Variants in KLHL4 observed in about 807,000 individuals in gnomAD.
The protein encoded by KLHL4 is kelch-like protein 4.
A neutral mutation model predicts 45.8 loss-of-function variants in KLHL4; 17 were observed. The observed-to-expected ratio is 0.37, with a 90% CI of 0.25 to 0.56. The LOEUF (loss-of-function observed/expected upper bound fraction) is 0.56. Ranked by LOEUF, KLHL4 falls within the 20% of genes least tolerant of loss-of-function variation. The pLI, the probability that KLHL4 is intolerant of heterozygous loss-of-function variation, is 0.79. For synonymous variants in KLHL4, 224 were observed against 189.9 expected, an observed-to-expected ratio of 1.18 and a Z score of -1.47; for missense variants, 544 against 544.9, an observed-to-expected ratio of 1.00 and a Z score of 0.02.
Position 87,667,501 on chromosome X carries a change from C to G in KLHL4, c.*967C>G. ...CACCAAAATATTCAATAAGCCTGGT[C>G]AATTCTATAGTTATCTTTTTTGTAC... On this transcript the variant is annotated 3_prime_UTR_variant, in exon 11 of 11. Coordinates refer to ENST00000373119, the MANE Select transcript of KLHL4 (RefSeq NM_019117.5). 1 of 729,224 alleles carries G rather than the reference C, an allele frequency of 1.4e-6. No homozygotes were observed. Among genetic ancestry groups the G allele is most frequent in the Non-Finnish European group, 1.6e-6 (1 of 617,771 alleles). The allele number at this position is 729,224 out of a possible 1,213,427, so 60.1% of individuals were successfully genotyped here. A position where few individuals can be genotyped will look rare whatever the true frequency, so the allele number is the denominator to read the frequency against.
intron 1 of KLHL4, among the ~76,000 whole-genome samples, chrX:87,562,431 TA>T (rs1249426529): frequency 9.1e-6 from 1 of 110,130 alleles, no homozygotes. Flanking sequence ...ACCTGCTGAC[TA>T]AAAAGCCCTT....
chrX:87,667,515 T>C lies in KLHL4; in HGVS notation c.*981T>C, dbSNP rs1924411283. The C allele has an allele frequency of 5.5e-6, 4 of 729,862 alleles. No individual in the cohort carries two copies. Among genetic ancestry groups the C allele is most frequent in the Non-Finnish European group, 4.8e-6 (3 of 618,872 alleles). 60.1% of individuals were successfully genotyped at this position (729,862 alleles called of 1,213,427 possible). A position where few individuals can be genotyped will look rare whatever the true frequency, so the allele number is the denominator to read the frequency against. On this transcript the variant is annotated 3_prime_UTR_variant, in exon 11 of 11. Transcript: ENST00000373119. ...ATAAGCCTGGTCAATTCTATAGTTA[T>C]CTTTTTTGTACCAACACATGCTTTT... is the stretch of plus-strand genomic sequence containing the variant.
At chrX:87,620,609 T>C (rs1181689384) in intron 4 of KLHL4, among the ~76,000 whole-genome samples, 1 of 112,285 alleles carries the variant, frequency 8.9e-6, no homozygotes, top group Non-Finnish European at 1.9e-5. Flanking sequence ...ATATCGGTAC[T>C]ATATAACCTT....
chrX:87,657,705 C>T (rs1435195597), intron 9 of KLHL4, among the ~76,000 whole-genome samples: 4 of 111,393 alleles, frequency 3.6e-5, no homozygotes, highest in African/African-American at 1.3e-4. Context: ...TGTGCTTGAT[C>T]TTTACTAACA....
At chrX:87,607,354 C>G (rs1051602510) in intron 1 of KLHL4, among the ~76,000 whole-genome samples, 1 of 111,132 alleles carries the variant, frequency 9.0e-6, no homozygotes, top group African/African-American at 3.3e-5. Context: ...AGTCTCTGGT[C>G]ACTTCCTCCT....
chrX:87,585,122 A>G (rs1175377482), intron 1 of KLHL4, among the ~76,000 whole-genome samples: 1 of 111,698 alleles, frequency 9.0e-6, no homozygotes, highest in Non-Finnish European at 1.9e-5. Context: ...TTTACTCTAG[A>G]ATAATATATC....
intron 1 of KLHL4, among the ~76,000 whole-genome samples, chrX:87,576,820 A>G (rs1210232867): frequency 1.8e-5 from 2 of 111,717 alleles, no homozygotes; most frequent in Non-Finnish European, 3.8e-5. Flanking sequence ...CTACATACAC[A>G]TAGATATGGA....
At chrX:87,559,265 G>C (rs368453992) in intron 1 of KLHL4, among the ~76,000 whole-genome samples, 1 of 111,951 alleles carries the variant, frequency 8.9e-6, no homozygotes, top group South Asian at 3.7e-4. Context: ...CCTACACAAT[G>C]GATGAGTGAC....
intron 3 of KLHL4, among the ~76,000 whole-genome samples, chrX:87,617,605 G>T (rs754473688): frequency 8.9e-6 from 1 of 111,819 alleles, no homozygotes. Context: ...ATATTCTCAT[G>T]TACATATACA....
At chrX:87,654,078 G>A (rs1923907420) in intron 9 of KLHL4, among the ~76,000 whole-genome samples, 1 of 110,863 alleles carries the variant, frequency 9.0e-6, no homozygotes, top group African/African-American at 3.3e-5. Flanking sequence ...AACCACCGTG[G>A]CACAACTTTA....
intron 1 of KLHL4, among the ~76,000 whole-genome samples, chrX:87,581,471 G>T (rs1921276880): frequency 8.9e-6 from 1 of 112,493 alleles, no homozygotes; most frequent in African/African-American, 3.2e-5. Context: ...GTTCAGTCTG[G>T]TAACAGGTCA....
chrX:87,653,000 C>T (rs1923869264), intron 9 of KLHL4, among the ~76,000 whole-genome samples: 1 of 111,742 alleles, frequency 8.9e-6, no homozygotes, highest in Non-Finnish European at 1.9e-5. Flanking sequence ...AATCAGAGAG[C>T]CAAGCAAAAT....
Position 87,667,611 on chromosome X carries a change from T to C in KLHL4, c.*1077T>C. 1 of 586,881 alleles carries C rather than the reference T, an allele frequency of 1.7e-6. No homozygotes were observed. Among genetic ancestry groups the C allele is most frequent in the Non-Finnish European group, 2.1e-6 (1 of 487,188 alleles). The allele number at this position is 586,881 out of a possible 1,213,427, so 48.4% of individuals were successfully genotyped here. On this transcript the variant is annotated 3_prime_UTR_variant, in exon 11 of 11. Transcript: ENST00000373119. ...CTATATAAAAAAAAAAAAAGACTTGTTAAGTTTTAAAATAACAAAAATGGC... is the reference window on the plus strand; with the variant it reads ...CTATATAAAAAAAAAAAAAGACTTGCTAAGTTTTAAAATAACAAAAATGGC...
chrX:87,554,230 A>G (rs1364754160), intron 1 of KLHL4, among the ~76,000 whole-genome samples: 2 of 79,902 alleles, frequency 2.5e-5, no homozygotes, highest in Admixed American at 3.3e-4. Flanking sequence ...TGAACTTTAA[A>G]GTAGTTTTTT....
intron 1 of KLHL4, among the ~76,000 whole-genome samples, chrX:87,525,997 G>A (rs1016998012): frequency 1.8e-5 from 2 of 110,624 alleles, no homozygotes; most frequent in African/African-American, 6.6e-5. Flanking sequence ...CAATTTTCTC[G>A]GCACTTATGT....
intron 9 of KLHL4, among the ~76,000 whole-genome samples, chrX:87,642,227 C>T (rs1378222005): frequency 5.4e-5 from 6 of 111,410 alleles, no homozygotes; most frequent in Non-Finnish European, 1.1e-4. Flanking sequence ...TCTGTGCAGA[C>T]ACCCCCCAGT....
In KLHL4 at chrX:87,622,366, G is replaced by A; in HGVS notation, c.1080G>A (p.Arg360=). 1 of 1,209,262 alleles carries A rather than the reference G, an allele frequency of 8.3e-7. No individual in the cohort carries two copies. Residue 360 remains arginine, a synonymous_variant, in exon 5 of 11, where the codon AGG becomes AGA. Coordinates refer to ENST00000373119, the MANE Select transcript of KLHL4 (RefSeq NM_019117.5). ...MQWVGHDVQN[R]QGELGMLLSY... ...GGGTGGGGCATGATGTGCAGAATAG[G>A]CAAGGAGAACTGGGGATGCTGCTTT...
At chrX:87,564,390 G>T (rs1035334352) in intron 1 of KLHL4, among the ~76,000 whole-genome samples, 1 of 109,424 alleles carries the variant, frequency 9.1e-6, no homozygotes, top group Non-Finnish European at 1.9e-5. Context: ...TAGGATATAA[G>T]ATGTTATTTG....
At chrX:87,587,150 C>CAAAAAAA (rs1197848253) in intron 1 of KLHL4, among the ~76,000 whole-genome samples, 5 of 47,814 alleles carry the variant, frequency 1.0e-4, no homozygotes, top group Admixed American at 6.0e-4. Flanking sequence ...TAAAATAAAG[C>CAAAAAAA]AAAAAAAAAA....
Sources: allele counts gnomAD v4.1 joint callset (sites outside exome capture counted in the v4.1 genomes callset), GRCh38; gene constraint gnomAD v4.1.1; transcripts MANE v1.5; gene names NCBI Gene and HGNC (gene_info 2026-07-23, HGNC 2026-07-21).